CCT7: variants seen among roughly 807,000 people sequenced by gnomAD.
The protein encoded by CCT7 is chaperonin containing TCP1 subunit 7, also known as T-complex protein 1 subunit eta.
A neutral mutation model predicts 56.6 loss-of-function variants in CCT7; 16 were observed. That is an observed-to-expected ratio of 0.28 (90% CI 0.19 to 0.43). CCT7 has a LOEUF of 0.43. Among genes scored for constraint, CCT7 ranks in the 20% least tolerant of loss-of-function variants. CCT7 has a pLI of 1.00. For missense variants in CCT7, 519 were observed against 685.6 expected (o/e 0.76, Z 2.71); for synonymous variants, 262 against 254.8 (o/e 1.03, Z -0.27).
Position 73,243,174 on chromosome 2 carries a change from A to T in CCT7, c.393+45A>T. The T allele has an allele frequency of 3.1e-6, 5 of 1,594,310 alleles. No homozygotes were observed. In the East Asian group the frequency reaches 1.1e-4, roughly 36 times the overall value. The stretch of plus-strand genomic sequence containing the variant: ...CCTTCTCTTGGGCCTGGACACCTTC[A>T]CATTTCTCTTAGGAAGGGGAATTTC... On this transcript the variant is annotated intron_variant, in intron 4 of 11. Coordinates refer to ENST00000258091, the MANE Select transcript of CCT7 (RefSeq NM_006429.4).
Position 73,252,557 on chromosome 2 carries a change from G to A in CCT7, c.1411-83G>A. On this transcript the variant is annotated intron_variant, in intron 11 of 11. Coordinates refer to ENST00000258091, the MANE Select transcript of CCT7 (RefSeq NM_006429.4). ...AGTTCAGAGAGTCTGCGGGTTCCTA[G>A]CAGTGTCTTTTGGAGTACCAGTTTA... 3 of 1,049,156 alleles carry A rather than the reference G, an allele frequency of 2.9e-6. No individual in the cohort carries two copies. In the South Asian group the frequency reaches 4.2e-5, roughly 15 times the overall value. The allele number at this position is 1,049,156 out of a possible 1,614,324, so 65.0% of individuals were successfully genotyped here.
intron 11 of CCT7, 144 bp downstream of exon 11, chr2:73,251,576 T>C: frequency 1.5e-6 from 1 of 677,230 alleles, no homozygotes; most frequent in Non-Finnish European, 2.6e-6. Flanking sequence ...ACCAACTCCC[T>C]CCTCTGAGGG....
At chr2:73,236,946 C>T (rs922985799) in intron 1 of CCT7, among the ~76,000 whole-genome samples, 9 of 152,188 alleles carry the variant, frequency 5.9e-5, no homozygotes, top group Admixed American at 5.2e-4. Context: ...TACTGTAGTG[C>T]CAGTGCTTTT....
chr2:73,240,165 C>G, intron 2 of CCT7: 1 of 331,884 alleles, frequency 3.0e-6, no homozygotes, highest in Non-Finnish European at 5.4e-6. Flanking sequence ...TAAGTGGTTA[C>G]TTTTATTTAA....
At chr2:73,247,493 G>A (rs1379472264) in intron 6 of CCT7, among the ~76,000 whole-genome samples, 1 of 151,936 alleles carries the variant, frequency 6.6e-6, no homozygotes, top group Non-Finnish European at 1.5e-5. Context: ...GGACAGCCCA[G>A]TAGGCCTTTA....
At chr2:73,235,585 G>A in intron 1 of CCT7, 1 of 1,001,472 alleles carries the variant, frequency 1.0e-6, no homozygotes, top group Non-Finnish European at 1.2e-6. Context: ...CATCTTCTGT[G>A]CAGAGGCAGC....
At chr2:73,234,511 G>A (rs1049881189) in intron 1 of CCT7, 127 bp downstream of exon 1, 28 of 1,146,976 alleles carry the variant, frequency 2.4e-5, no homozygotes, top group South Asian at 5.2e-5. Context: ...CAGATCCCCA[G>A]CTTAGGGGCG....
chr2:73,242,854 A>C (rs896678641), intron 3 of CCT7, 150 bp from the exon 4 acceptor site: 60 of 847,856 alleles, frequency 7.1e-5, no homozygotes, highest in Non-Finnish European at 1.1e-4. Flanking sequence ...GCTTCTTTCT[A>C]CTTATTGCAA....
chr2:73,242,899 T>G, intron 3 of CCT7, 105 bp from the exon 4 acceptor site: 1 of 1,383,328 alleles, frequency 7.2e-7, no homozygotes, highest in Non-Finnish European at 1.0e-6. Context: ...TTGACATCCA[T>G]TTAAATAATA....
At position 73,251,403 on chromosome 2, in the gene CCT7, C is replaced by G. The variant is rs1169228064; in HGVS notation, c.1381C>G (p.Leu461Val). 1 of 1,597,654 alleles carries G rather than the reference C, an allele frequency of 6.3e-7. No individual in the cohort carries two copies. The highest frequency in any genetic ancestry group is 8.6e-7 in the Non-Finnish European group (1 of 1,169,248). ...TGCTGGCTTTGATGCCACAAACATT[C>G]TCAACAAGCTGCGGGCTCGGCATGC... ...DNAGFDATNI[L>V]NKLRARHAQG... is the part of the protein sequence containing the mutation. The change falls in exon 11 of 12, where the codon CTC becomes GTC. Residue 461 changes from leucine (L) to valine (V), a missense_variant. Transcript: ENST00000258091.
At chr2:73,241,510 G>A (rs1687110853) in intron 3 of CCT7, among the ~76,000 whole-genome samples, 1 of 151,958 alleles carries the variant, frequency 6.6e-6, no homozygotes, top group South Asian at 2.1e-4. Context: ...CATTACTTTA[G>A]GAGGCCAAGG....
chr2:73,250,813 G>GT (rs1687544898), intron 10 of CCT7, among the ~76,000 whole-genome samples: 1 of 151,814 alleles, frequency 6.6e-6, no homozygotes, highest in South Asian at 2.1e-4. Context: ...GCATGTGCCT[G>GT]TAGTCAGTCC....
intron 3 of CCT7, among the ~76,000 whole-genome samples, chr2:73,241,922 G>A (rs57535817): frequency 4.0e-5 from 6 of 151,780 alleles, no homozygotes; most frequent in Non-Finnish European, 8.8e-5. Context: ...TGTATTTTTG[G>A]TAGAGACGGG....
intron 2 of CCT7, 174 bp downstream of exon 2, chr2:73,239,970 G>T (rs1687038051): frequency 3.4e-6 from 2 of 591,420 alleles, no homozygotes; most frequent in Admixed American, 6.6e-5. Flanking sequence ...GCCCGTGTGG[G>T]ACTATATGAG....
rs1687455941 is a variant in CCT7, at chr2:73,248,908, G to A, written c.784-83G>A. The A allele has an allele frequency of 4.8e-6, 5 of 1,048,520 alleles. No homozygotes were observed. The Admixed American group carries it at 6.5e-5, about 14-fold the overall frequency. 65.0% of individuals were successfully genotyped at this position (1,048,520 alleles called of 1,614,324 possible). ...GATGAATCAGCATGTTTTATTTGGT[G>A]GGGGCAGATGGGTATATTTTACCCT... is the stretch of plus-strand genomic sequence containing the variant. On this transcript the variant is annotated intron_variant, in intron 7 of 11. Transcript: ENST00000258091.
intron 5 of CCT7, chr2:73,244,297 C>G (rs1687239213): frequency 5.0e-6 from 3 of 605,626 alleles, no homozygotes; most frequent in Non-Finnish European, 5.8e-6. Context: ...CCTGCCAGAC[C>G]CTTGGCTGTG....
chr2:73,242,883 A>G, intron 3 of CCT7, 121 bp from the exon 4 acceptor site: 15 of 1,225,054 alleles, frequency 1.2e-5, no homozygotes, highest in Non-Finnish European at 1.7e-5. Context: ...GCTTCCAGAA[A>G]AAAGCTTGAC....
At chr2:73,240,181 C>A (rs1048109498) in intron 2 of CCT7, 5 of 343,870 alleles carry the variant, frequency 1.5e-5, no homozygotes, top group African/African-American at 4.2e-5. Flanking sequence ...TTTAAAAAAT[C>A]TTTTCTGTAT....
At chr2:73,241,784 A>G (rs1687125635) in intron 3 of CCT7, among the ~76,000 whole-genome samples, 1 of 149,198 alleles carries the variant, frequency 6.7e-6, no homozygotes, top group East Asian at 2.0e-4. Context: ...CTTGTTGCCC[A>G]GGCTGGAGTG....
Sources: allele counts gnomAD v4.1 joint callset (sites outside exome capture counted in the v4.1 genomes callset), GRCh38; gene constraint gnomAD v4.1.1; transcripts MANE v1.5; gene names NCBI Gene and HGNC (gene_info 2026-07-23, HGNC 2026-07-21).